Variants in ULK4 observed in about 807,000 individuals in gnomAD.
The protein encoded by ULK4 is inactive serine/threonine-protein kinase ULK4.
A neutral mutation model predicts 160.6 loss-of-function variants in ULK4; 133 were observed. The observed-to-expected ratio is 0.83, with a 90% CI of 0.72 to 0.96. The LOEUF (loss-of-function observed/expected upper bound fraction) is 0.96, where lower values mean the gene tolerates loss of function less well. Ranked by LOEUF, ULK4 falls within the 40% of genes least tolerant of loss-of-function variation. The pLI, the probability that ULK4 is intolerant of heterozygous loss-of-function variation, is 0.00. For missense variants in ULK4, 1,580 were observed against 1,499.5 expected, an observed-to-expected ratio of 1.05 and a Z score of -0.89; for synonymous variants, 534 against 539.8, an observed-to-expected ratio of 0.99 and a Z score of 0.15.
At chr3:41,673,185 A>T (rs1346403629) in intron 29 of ULK4, among the ~76,000 whole-genome samples, 2 of 152,076 alleles carry the variant, frequency 1.3e-5, no homozygotes, top group African/African-American at 4.8e-5. Flanking sequence ...AAAGAACAAA[A>T]ATGAAACACT....
intron 19 of ULK4, among the ~76,000 whole-genome samples, chr3:41,804,717 C>G: frequency 6.6e-6 from 1 of 152,112 alleles, no homozygotes. Flanking sequence ...CCAGTTTTCC[C>G]AGCATCATTT....
chr3:41,721,795 C>A (rs1047323877), intron 22 of ULK4, among the ~76,000 whole-genome samples: 2 of 152,142 alleles, frequency 1.3e-5, no homozygotes, highest in African/African-American at 4.8e-5. Flanking sequence ...GGCAAACAGA[C>A]AGCCCGATTT....
chr3:41,904,622 C>A (rs766983637), intron 12 of ULK4, among the ~76,000 whole-genome samples: 5 of 152,048 alleles, frequency 3.3e-5, no homozygotes, highest in Non-Finnish European at 7.4e-5. Flanking sequence ...TTCTATTTCA[C>A]ATAACCAAAA....
At chr3:41,695,701 G>A (rs1170544123) in intron 27 of ULK4, among the ~76,000 whole-genome samples, 4 of 152,084 alleles carry the variant, frequency 2.6e-5, no homozygotes, top group South Asian at 2.1e-4. Flanking sequence ...TCCAGGTGCC[G>A]AGGCAAGAGA....
At position 41,909,126 on chromosome 3, in the gene ULK4, T is replaced by C. The variant is rs992580058; in HGVS notation, c.1086-1185A>G. 8.1e-5 allele frequency among the ~76,000 whole-genome samples: 12 copies of C among 147,364 alleles called. No individual in the cohort carries two copies. The East Asian group carries it at 1.8e-3, about 22-fold the overall frequency. On this transcript the variant is annotated intron_variant, in intron 11 of 36. Transcript: ENST00000301831. Reference sequence around the variant, plus strand: ...AAAAAAAAAAATTAGCCCAGCATGGTGGTGCATGCCTGTAGTCCCAGCTAC... The same window carrying C: ...AAAAAAAAAAATTAGCCCAGCATGGCGGTGCATGCCTGTAGTCCCAGCTAC...
At chr3:41,324,131 C>T (rs1000718142) in intron 35 of ULK4, among the ~76,000 whole-genome samples, 5 of 152,316 alleles carry the variant, frequency 3.3e-5, no homozygotes, top group Admixed American at 6.5e-5. Context: ...CATTCTCTTC[C>T]TTTCAATTCA....
At chr3:41,379,122 T>C (rs2081588936) in intron 35 of ULK4, among the ~76,000 whole-genome samples, 1 of 151,736 alleles carries the variant, frequency 6.6e-6, no homozygotes, top group Non-Finnish European at 1.5e-5. Context: ...AGTTGATGGG[T>C]GCAGCAAACC....
intron 16 of ULK4, 104 bp downstream of exon 16, chr3:41,895,414 T>C (rs1698119182): frequency 1.7e-6 from 1 of 587,330 alleles, no homozygotes; most frequent in South Asian, 3.2e-5. Flanking sequence ...TACATCAGAA[T>C]AATTTATGAT....
intron 21 of ULK4, among the ~76,000 whole-genome samples, chr3:41,762,788 C>A (rs1053762663): frequency 6.6e-6 from 1 of 151,550 alleles, no homozygotes. Context: ...TCAGCCTCCC[C>A]AGTAGCTGGG....
intron 31 of ULK4, among the ~76,000 whole-genome samples, chr3:41,584,294 A>G (rs372143503): frequency 3.3e-5 from 5 of 152,174 alleles, no homozygotes; most frequent in Admixed American, 1.3e-4. Flanking sequence ...TGAAGATATA[A>G]TAACTTTTTT....
intron 22 of ULK4, among the ~76,000 whole-genome samples, chr3:41,733,715 T>TTG (rs2037914816): frequency 6.9e-6 from 1 of 144,058 alleles, no homozygotes; most frequent in Non-Finnish European, 1.5e-5. Context: ...TGAATTCAAC[T>TTG]AAACACATGA....
chr3:41,915,676 T>C (rs1400072525), intron 8 of ULK4, among the ~76,000 whole-genome samples: 1 of 152,190 alleles, frequency 6.6e-6, no homozygotes, highest in African/African-American at 2.4e-5. Flanking sequence ...ATGGTACCTC[T>C]TGGATTTGGG....
At chr3:41,953,357 C>T (rs1409145303) in intron 2 of ULK4, among the ~76,000 whole-genome samples, 4 of 144,182 alleles carry the variant, frequency 2.8e-5, no homozygotes, top group Non-Finnish European at 4.5e-5. Context: ...GGCTGGGGTG[C>T]AATGGCATGA....
intron 31 of ULK4, among the ~76,000 whole-genome samples, chr3:41,570,578 C>A (rs922074762): frequency 2.6e-5 from 4 of 152,158 alleles, no homozygotes; most frequent in African/African-American, 9.7e-5. Context: ...CATCTGTCAG[C>A]AAATATAGGT....
At chr3:41,556,551 A>G (rs2087309439) in intron 32 of ULK4, among the ~76,000 whole-genome samples, 1 of 142,094 alleles carries the variant, frequency 7.0e-6, no homozygotes, top group Non-Finnish European at 1.5e-5. Context: ...GCAGTGGCAC[A>G]ATATTGGCTC....
intron 34 of ULK4, among the ~76,000 whole-genome samples, chr3:41,428,802 C>T (rs985386535): frequency 6.7e-6 from 1 of 149,886 alleles, no homozygotes; most frequent in Non-Finnish European, 1.5e-5. Context: ...ATGTAAAATG[C>T]AAAACGATAC....
intron 17 of ULK4, among the ~76,000 whole-genome samples, chr3:41,856,217 A>G (rs1192006566): frequency 6.6e-6 from 1 of 152,008 alleles, no homozygotes; most frequent in Non-Finnish European, 1.5e-5. Context: ...TTGCTTTATC[A>G]TTTTCAACAA....
chr3:41,590,052 G>C lies in ULK4; in HGVS notation c.3121-23922C>G, dbSNP rs548236727. 7.2e-5 allele frequency among the ~76,000 whole-genome samples: 11 copies of C among 151,890 alleles called. No individual in the cohort carries two copies. The East Asian group carries it at 1.6e-3, about 22-fold the overall frequency. On this transcript the variant is annotated intron_variant, in intron 31 of 36. Transcript: ENST00000301831. ...GAGTTTCTCTCTGTCACCCAGGCTG[G>C]AGTACAGTGGCGCGATCTCGGCTCA...
At chr3:41,783,123 G>A (rs765931703) in intron 21 of ULK4, among the ~76,000 whole-genome samples, 2 of 152,024 alleles carry the variant, frequency 1.3e-5, no homozygotes, top group Non-Finnish European at 2.9e-5. Flanking sequence ...TAGCAAGTAC[G>A]AATTTGAAAG....
Sources: gnomAD v4.1 joint callset for allele counts (sites outside exome capture counted in the v4.1 genomes callset) on GRCh38, gnomAD v4.1.1 for gene constraint, MANE v1.5 for transcripts, NCBI Gene and HGNC (gene_info 2026-07-23, HGNC 2026-07-21) for gene names.